The following DNMT3A variants were observed in gnomAD, a reference collection of about 807,000 sequenced individuals.
The protein encoded by DNMT3A is DNA (cytosine-5)-methyltransferase 3A.
In DNMT3A, 267 loss-of-function variants were observed where a neutral mutation model predicts 117.6. That is an observed-to-expected ratio of 2.27 (90% CI 2.05 to 2.51). DNMT3A has a LOEUF of 2.51. DNMT3A is among the 30% of genes most tolerant of loss of function. DNMT3A has a pLI of 0.00. For synonymous variants in DNMT3A, 432 were observed against 474.8 expected, an observed-to-expected ratio of 0.91 and a Z score of 1.17; for missense variants, 1,029 against 1,260.2, an observed-to-expected ratio of 0.82 and a Z score of 2.78.
rs1672802883 is a variant in DNMT3A, at chr2:25,229,889, T to C, written c.*4390A>G. 1 of 152,222 alleles carries C rather than the reference T, an allele frequency of 6.6e-6. No homozygotes were observed. The highest frequency in any genetic ancestry group is 6.5e-5 in the Admixed American group (1 of 15,284). 9.4% of individuals were successfully genotyped at this position (152,222 alleles called of 1,614,324 possible). A position where few individuals can be genotyped will look rare whatever the true frequency, so the allele number is the denominator to read the frequency against. On this transcript the variant is annotated 3_prime_UTR_variant, in exon 23 of 23. Coordinates refer to ENST00000321117, the MANE Select transcript of DNMT3A (RefSeq NM_022552.5). ...ATATTCCTTCTACTGCTGGAGAAGGTGGGTGTTCCCATCTAGGCTTCCCCA... is the reference window on the plus strand; with the variant it reads ...ATATTCCTTCTACTGCTGGAGAAGGCGGGTGTTCCCATCTAGGCTTCCCCA...
chr2:25,341,042 C>G (rs887906823), intron 1 of DNMT3A, among the ~76,000 whole-genome samples: 2 of 146,276 alleles, frequency 1.4e-5, no homozygotes, highest in African/African-American at 4.9e-5. Context: ...GGCGCTCTCC[C>G]CGGCCCCGCC....
At chr2:25,248,617 G>A (rs576417568) in intron 6 of DNMT3A, among the ~76,000 whole-genome samples, 139 of 151,828 alleles carry the variant, frequency 9.2e-4, no homozygotes, top group African/African-American at 3.3e-3. Context: ...GCGCAATCTC[G>A]GCTCACTGCA....
At chr2:25,341,229 G>C (rs1480603081) in intron 1 of DNMT3A, among the ~76,000 whole-genome samples, 2 of 144,684 alleles carry the variant, frequency 1.4e-5, no homozygotes, top group Non-Finnish European at 3.1e-5. Context: ...GAGGGGCGGG[G>C]GGCCGGGTCG....
chr2:25,341,550 G>T (rs1160922427), intron 1 of DNMT3A, among the ~76,000 whole-genome samples: 20 of 146,668 alleles, frequency 1.4e-4, no homozygotes, highest in Admixed American at 1.2e-3. Flanking sequence ...GGGCGGGGAG[G>T]GGGGTCCGCG....
chr2:25,258,395 C>G (rs1676338504), intron 6 of DNMT3A, among the ~76,000 whole-genome samples: 1 of 152,220 alleles, frequency 6.6e-6, no homozygotes, highest in Non-Finnish European at 1.5e-5. Flanking sequence ...GTTTTAGAAC[C>G]TGTAAGCGAA....
At position 25,233,528 on chromosome 2, in the gene DNMT3A, AT is replaced by A. The variant is rs199673579; in HGVS notation, c.*750del. On this transcript the variant is annotated 3_prime_UTR_variant, in exon 23 of 23. Coordinates refer to ENST00000321117, the MANE Select transcript of DNMT3A (RefSeq NM_022552.5). ...AGGTAACAGCGGCTTCTAGAAACTG[AT>A]TTTCTTCAAGGTTTCCTGTGTGGTA... is the stretch of plus-strand genomic sequence containing the variant. 2,096 of 233,326 alleles carry A rather than the reference AT, an allele frequency of 9.0e-3. 39 individuals are homozygous for A. Among genetic ancestry groups the A allele is most frequent in the African/African-American group, 0.042 (1,909 of 45,276 alleles). The allele number at this position is 233,326 out of a possible 1,614,324, so 14.5% of individuals were successfully genotyped here.
At chr2:25,273,010 T>C (rs2149362221) in intron 6 of DNMT3A, among the ~76,000 whole-genome samples, 2 of 117,696 alleles carry the variant, frequency 1.7e-5, no homozygotes, top group Admixed American at 1.7e-4. Context: ...GTTTTGCTCT[T>C]GTTGTCCAGG....
At chr2:25,332,050 G>C (rs996595847) in intron 1 of DNMT3A, among the ~76,000 whole-genome samples, 1 of 152,154 alleles carries the variant, frequency 6.6e-6, no homozygotes, top group African/African-American at 2.4e-5. Flanking sequence ...CGCACACCCT[G>C]TCCAGGCCCA....
chr2:25,278,783 GC>G (rs2031662241), intron 4 of DNMT3A, among the ~76,000 whole-genome samples: 1 of 151,842 alleles, frequency 6.6e-6, no homozygotes, highest in South Asian at 2.1e-4. Flanking sequence ...CCAAGATTGT[GC>G]CACTGCACTC....
Position 25,247,364 on chromosome 2 carries a change from A to G in DNMT3A, c.1015-206T>C. On this transcript the variant is annotated intron_variant, in intron 8 of 22. Coordinates refer to ENST00000321117, the MANE Select transcript of DNMT3A (RefSeq NM_022552.5). The surrounding 1 kb of genome is among the most constrained non-coding windows in gnomAD (Gnocchi z 5.6). The stretch of plus-strand genomic sequence containing the variant: ...CTGAGTGCAGGTGGAAAGGAATTCT[A>G]GTGAATAGGTTCCTGGAAGGCTAAA... The G allele has an allele frequency of 1.3e-6, 1 of 798,322 alleles. No homozygotes were observed. The highest frequency in any genetic ancestry group is 2.0e-6 in the Non-Finnish European group (1 of 511,976). The allele number at this position is 798,322 out of a possible 1,614,324, so 49.5% of individuals were successfully genotyped here.
intron 1 of DNMT3A, among the ~76,000 whole-genome samples, chr2:25,316,162 C>T (rs543154530): frequency 8.5e-5 from 13 of 152,304 alleles, no homozygotes; most frequent in Admixed American, 3.3e-4. Flanking sequence ...ACAAAGGAAG[C>T]GGGGCGGGAG....
In DNMT3A at chr2:25,300,202, G is replaced by A. The variant is rs2033349551; in HGVS notation, c.114C>T (p.Arg38=). Residue 38 remains arginine, a synonymous_variant, in exon 3 of 23, where the codon CGC becomes CGT. Coordinates refer to ENST00000321117, the MANE Select transcript of DNMT3A (RefSeq NM_022552.5). ...EQEEPRGKEE[R]QEPSTTARKV... ...TCCGTGCCGTGGTGCTGGGCTCTTGGCGCTCCTCCTTGCCACGCGGCTCCT... is the reference window on the plus strand; with the variant it reads ...TCCGTGCCGTGGTGCTGGGCTCTTGACGCTCCTCCTTGCCACGCGGCTCCT... 2 of 1,611,780 alleles carry A rather than the reference G, an allele frequency of 1.2e-6. No homozygotes were observed. Among genetic ancestry groups the A allele is most frequent in the African/African-American group, 1.3e-5 (1 of 74,904 alleles).
intron 3 of DNMT3A, among the ~76,000 whole-genome samples, chr2:25,287,723 G>T (rs2032415340): frequency 7.6e-6 from 1 of 130,754 alleles, no homozygotes; most frequent in East Asian, 2.1e-4. Flanking sequence ...CCACCAGACA[G>T]AGGACACCCC....
At chr2:25,289,977 T>C (rs564092860) in intron 3 of DNMT3A, among the ~76,000 whole-genome samples, 1 of 152,128 alleles carries the variant, frequency 6.6e-6, no homozygotes, top group Non-Finnish European at 1.5e-5. Context: ...TTTTCTTTCT[T>C]TTTTTTAAGA....
Position 25,252,205 on chromosome 2 carries a change from G to T in DNMT3A, c.640-3953C>A. 6.4e-7 allele frequency: 1 copy of T among 1,564,346 alleles called. No homozygotes were observed. The highest frequency in any genetic ancestry group is 2.4e-5 in the East Asian group (1 of 41,152). The stretch of plus-strand genomic sequence containing the variant: ...GTCCAGGAACCTACCCATAAGGCCA[G>T]GTGCAGCCCCTCTGCAGTCGCGCTC... On this transcript the variant is annotated intron_variant, in intron 6 of 22. Coordinates refer to ENST00000321117, the MANE Select transcript of DNMT3A (RefSeq NM_022552.5). The surrounding 1 kb of genome is among the most constrained non-coding windows in gnomAD (Gnocchi z 5.5).
chr2:25,278,036 C>CACAA (rs1553422559), intron 4 of DNMT3A, among the ~76,000 whole-genome samples: 171 of 47,792 alleles, frequency 3.6e-3, no homozygotes, highest in African/African-American at 9.5e-3. Context: ...CACACACACA[C>CACAA]ACAGACACAC....
chr2:25,307,280 A>G (rs1235918542), intron 2 of DNMT3A, among the ~76,000 whole-genome samples: 1 of 152,068 alleles, frequency 6.6e-6, no homozygotes, highest in East Asian at 1.9e-4. Context: ...CCAGAGAGGA[A>G]AGGCTCATTT....
At chr2:25,258,732 C>T (rs566595356) in intron 6 of DNMT3A, among the ~76,000 whole-genome samples, 7 of 152,208 alleles carry the variant, frequency 4.6e-5, no homozygotes, top group Non-Finnish European at 8.8e-5. Context: ...GATGAAAGAG[C>T]GGAAACTAGG....
chr2:25,322,534 C>T (rs1008828431), intron 1 of DNMT3A, among the ~76,000 whole-genome samples: 1 of 152,000 alleles, frequency 6.6e-6, no homozygotes, highest in African/African-American at 2.4e-5. Flanking sequence ...CAAGTCAGTG[C>T]TGCCTGCATC....
Sources: allele counts gnomAD v4.1 joint callset (sites outside exome capture counted in the v4.1 genomes callset), GRCh38; gene constraint gnomAD v4.1.1; non-coding constraint Gnocchi (gnomAD v3.1); transcripts MANE v1.5; gene names NCBI Gene and HGNC (gene_info 2026-07-23, HGNC 2026-07-21).